The following STPG2 variants were observed in gnomAD, a reference collection of about 807,000 sequenced individuals.
STPG2 encodes the protein sperm-tail PG-rich repeat-containing protein 2.
Under a neutral mutation model 54.2 loss-of-function variants are expected in STPG2, and 56 were observed. That is an observed-to-expected ratio of 1.03 (90% CI 0.83 to 1.29). STPG2 has a LOEUF of 1.29. Among genes scored for constraint, STPG2 ranks in the 50% most tolerant of loss-of-function variants. The pLI, the probability that STPG2 is intolerant of heterozygous loss-of-function variation, is 0.00. For synonymous variants in STPG2, 200 were observed against 181.8 expected, an observed-to-expected ratio of 1.10 and a Z score of -0.81; for missense variants, 596 against 544.9, an observed-to-expected ratio of 1.09 and a Z score of -0.93.
At chr4:97,816,413 G>A (rs1399987380) in intron 9 of STPG2, among the ~76,000 whole-genome samples, 2 of 152,078 alleles carry the variant, frequency 1.3e-5, no homozygotes, top group Non-Finnish European at 2.9e-5. Flanking sequence ...GGATTGCTGG[G>A]TCAAATGGTA....
At chr4:97,509,918 A>T (rs534130152) in intron 4 of STPG2, among the ~76,000 whole-genome samples, 65 of 152,184 alleles carry the variant, frequency 4.3e-4, no homozygotes, top group Non-Finnish European at 8.1e-4. Flanking sequence ...TTAAGTGCCT[A>T]GTAAGAACAG....
chr4:97,609,920 C>T (rs1472762249), intron 10 of STPG2, among the ~76,000 whole-genome samples: 1 of 151,414 alleles, frequency 6.6e-6, no homozygotes, highest in South Asian at 2.1e-4. Context: ...AAAAACTGAG[C>T]AAAAATGTAT....
At chr4:97,461,588 A>G (rs1056430526) in intron 4 of STPG2, among the ~76,000 whole-genome samples, 13 of 152,200 alleles carry the variant, frequency 8.5e-5, no homozygotes, top group Admixed American at 5.2e-4. Context: ...TCAGATTTCT[A>G]GCAAACTGCG....
chr4:97,940,108 A>C (rs1348448062), intron 8 of STPG2, among the ~76,000 whole-genome samples: 1 of 152,150 alleles, frequency 6.6e-6, no homozygotes, highest in Non-Finnish European at 1.5e-5. Context: ...TTTTTTCTTT[A>C]AGAAAGTTGA....
At chr4:98,094,819 G>A (rs1738799780) in intron 5 of STPG2, among the ~76,000 whole-genome samples, 1 of 152,140 alleles carries the variant, frequency 6.6e-6, no homozygotes, top group Non-Finnish European at 1.5e-5. Context: ...TATAGTTTGA[G>A]TGCTAGCTTA....
At chr4:98,127,266 A>G (rs1481384333) in intron 3 of STPG2, among the ~76,000 whole-genome samples, 1 of 152,188 alleles carries the variant, frequency 6.6e-6, no homozygotes, top group African/African-American at 2.4e-5. Context: ...TGTGATGGGT[A>G]CATAGGTATC....
intron 4 of STPG2, among the ~76,000 whole-genome samples, chr4:97,506,019 CAAAAAAAAAAAAAAAAAA>C (rs59206485): frequency 5.9e-5 from 1 of 16,922 alleles, no homozygotes; most frequent in Non-Finnish European, 1.2e-4. Context: ...AATAGGAGAC[CAAAAAAAAAAAAAAAAAA>C]AAAAAAAAAG....
chr4:97,603,449 A>G (rs1296631296), intron 10 of STPG2, among the ~76,000 whole-genome samples: 1 of 151,632 alleles, frequency 6.6e-6, no homozygotes, highest in Non-Finnish European at 1.5e-5. Context: ...AGATCAAGCA[A>G]TTATACTTCT....
At chr4:97,507,614 C>A (rs1318512040) in intron 4 of STPG2, among the ~76,000 whole-genome samples, 7 of 152,040 alleles carry the variant, frequency 4.6e-5, no homozygotes, top group African/African-American at 1.7e-4. Context: ...GGTCCCCATG[C>A]CACTTGCACT....
intron 7 of STPG2, among the ~76,000 whole-genome samples, chr4:97,950,579 C>G (rs1733428047): frequency 6.6e-6 from 1 of 151,906 alleles, no homozygotes; most frequent in South Asian, 2.1e-4. Context: ...AATTCGTTTT[C>G]TGGTATTTCC....
chr4:97,906,160 G>A (rs1224354199), intron 8 of STPG2, among the ~76,000 whole-genome samples: 1 of 152,180 alleles, frequency 6.6e-6, no homozygotes, highest in Admixed American at 6.5e-5. Flanking sequence ...TCAAATAGAT[G>A]CAATAAAAAA....
chr4:97,482,062 G>C (rs1730235521), intron 4 of STPG2, among the ~76,000 whole-genome samples: 1 of 151,360 alleles, frequency 6.6e-6, no homozygotes, highest in African/African-American at 2.4e-5. Context: ...ATTTAAATTT[G>C]TTGGTCTTTT....
chr4:97,714,069 C>A (rs1184670486), intron 9 of STPG2, among the ~76,000 whole-genome samples: 1 of 151,802 alleles, frequency 6.6e-6, no homozygotes, highest in African/African-American at 2.4e-5. Context: ...AAAATAAAAC[C>A]TTTGGCCACA....
chr4:98,059,583 G>A (rs1323736535), intron 5 of STPG2, among the ~76,000 whole-genome samples: 1 of 150,678 alleles, frequency 6.6e-6, no homozygotes, highest in African/African-American at 2.4e-5. Context: ...ACCAAAACCT[G>A]GAAGAGACAC....
chr4:97,862,215 G>GAC (rs1407936959), intron 8 of STPG2, among the ~76,000 whole-genome samples: 1 of 150,556 alleles, frequency 6.6e-6, no homozygotes, highest in Non-Finnish European at 1.5e-5. Context: ...TGTGTGCAGA[G>GAC]ACACACATAG....
intron 10 of STPG2, among the ~76,000 whole-genome samples, chr4:97,644,754 A>G (rs945046201): frequency 1.3e-5 from 2 of 152,036 alleles, no homozygotes; most frequent in Non-Finnish European, 2.9e-5. Flanking sequence ...AAAGTGACTT[A>G]CCAGAGCATA....
chr4:97,655,049 G>C (rs1271725387), intron 10 of STPG2, among the ~76,000 whole-genome samples: 1 of 151,930 alleles, frequency 6.6e-6, no homozygotes, highest in Non-Finnish European at 1.5e-5. Flanking sequence ...GTTATCTCTG[G>C]CTGATAGAAT....
At chr4:97,521,029 A>T (rs922304624) in intron 4 of STPG2, among the ~76,000 whole-genome samples, 1 of 152,040 alleles carries the variant, frequency 6.6e-6, no homozygotes, top group Non-Finnish European at 1.5e-5. Flanking sequence ...ATGTTATTAA[A>T]TTTTTTAAAT....
At chr4:97,848,020 T>C (rs888148466) in intron 8 of STPG2, among the ~76,000 whole-genome samples, 1 of 152,176 alleles carries the variant, frequency 6.6e-6, no homozygotes, top group African/African-American at 2.4e-5. Flanking sequence ...ATTTGCATGC[T>C]AGTAGCCAAT....
Sources: gnomAD v4.1 joint callset for allele counts (sites outside exome capture counted in the v4.1 genomes callset) on GRCh38, gnomAD v4.1.1 for gene constraint, MANE v1.5 for transcripts, NCBI Gene and HGNC (gene_info 2026-07-23, HGNC 2026-07-21) for gene names.